PCNX1: variants seen among roughly 807,000 people sequenced by gnomAD.
The protein encoded by PCNX1 is pecanex-like protein 1.
In PCNX1, 78 loss-of-function variants were observed where a neutral mutation model predicts 242.2. The observed-to-expected ratio is 0.32, with a 90% CI of 0.27 to 0.39. The LOEUF (loss-of-function observed/expected upper bound fraction) is 0.39, where lower values mean the gene tolerates loss of function less well. PCNX1 is among the 10% of genes least tolerant of loss of function. PCNX1 has a pLI of 1.00. For missense variants in PCNX1, 2,581 were observed against 2,856.5 expected (o/e 0.90, Z 2.20); for synonymous variants, 1,024 against 1,032.9 (o/e 0.99, Z 0.17).
At chr14:70,968,334 G>T in intron 4 of PCNX1, 91 bp downstream of exon 4, 1 of 713,882 alleles carries the variant, frequency 1.4e-6, no homozygotes. Context: ...CAAATGTAAT[G>T]AAAAAAATCA....
Position 70,907,823 on chromosome 14 carries a change from G to GCGGCGA in PCNX1, c.-22_-17dup, listed in dbSNP as rs2055626212. The GCGGCGA allele has an allele frequency of 8.8e-6, 11 of 1,250,054 alleles. No homozygotes were observed. Among genetic ancestry groups the GCGGCGA allele is most frequent in the South Asian group, 7.0e-5 (2 of 28,524 alleles). The allele number at this position is 1,250,054 out of a possible 1,614,324, so 77.4% of individuals were successfully genotyped here. ...CGGGGCGGGGACGGCGGCGGCGGCG[G>GCGGCGA]CGGCGACGGCGGCGGCGCCGGGTGG... On this transcript the variant is annotated 5_prime_UTR_variant, in exon 1 of 36. Coordinates refer to ENST00000304743, the MANE Select transcript of PCNX1 (RefSeq NM_014982.3).
chr14:71,003,337 C>T (rs1192428234), intron 8 of PCNX1, among the ~76,000 whole-genome samples: 9 of 151,960 alleles, frequency 5.9e-5, no homozygotes, highest in Admixed American at 2.6e-4. Flanking sequence ...GTGATCTGCC[C>T]GCCTCGGCCC....
At chr14:70,917,994 A>G (rs557388654) in intron 1 of PCNX1, among the ~76,000 whole-genome samples, 9 of 152,296 alleles carry the variant, frequency 5.9e-5, no homozygotes, top group African/African-American at 2.2e-4. Flanking sequence ...CTCATGAACC[A>G]ACTTCTGCTA....
chr14:70,953,166 A>G (rs2057855837), intron 2 of PCNX1, among the ~76,000 whole-genome samples: 1 of 152,066 alleles, frequency 6.6e-6, no homozygotes, highest in African/African-American at 2.4e-5. Context: ...GTAGTGCCAG[A>G]TACTTGGGAG....
At position 71,105,098 on chromosome 14, in the gene PCNX1, A is replaced by G; in HGVS notation, c.6096-137A>G. On this transcript the variant is annotated intron_variant, in intron 32 of 35. Transcript: ENST00000304743. ...AAACGTAATGAGTTTTTTTGTTCCT[A>G]ATATTGATTGCACCATAAAGACTTT... 7.6e-6 allele frequency: 5 copies of G among 658,546 alleles called. No homozygotes were observed. In the South Asian group the frequency reaches 7.7e-5, roughly 10 times the overall value. 40.8% of individuals were successfully genotyped at this position (658,546 alleles called of 1,614,324 possible). A position where few individuals can be genotyped will look rare whatever the true frequency, so the allele number is the denominator to read the frequency against.
At chr14:70,964,377 A>C (rs2058315152) in intron 3 of PCNX1, among the ~76,000 whole-genome samples, 1 of 152,062 alleles carries the variant, frequency 6.6e-6, no homozygotes, top group Non-Finnish European at 1.5e-5. Flanking sequence ...TTAGATTGAT[A>C]CTTTTTGTTT....
Position 71,011,529 on chromosome 14 carries a change from C to A in PCNX1, c.2758C>A (p.Arg920=). ...DSHVSSSTSV[R]FYPHDVLSLP... is the part of the protein sequence containing the mutation. The stretch of plus-strand genomic sequence containing the variant: ...TCATGTATCCAGTTCTACCTCAGTT[C>A]GATTTTATCCACATGATGTGGTAGG... Residue 920 remains arginine, a synonymous_variant, in exon 10 of 36, where the codon CGA becomes AGA. Transcript: ENST00000304743. 1.3e-6 allele frequency: 2 copies of A among 1,564,176 alleles called. No homozygotes were observed. The highest frequency in any genetic ancestry group is 8.8e-7 in the Non-Finnish European group (1 of 1,137,166).
At chr14:70,948,851 GTATA>G (rs2057589473) in intron 2 of PCNX1, among the ~76,000 whole-genome samples, 1 of 146,346 alleles carries the variant, frequency 6.8e-6, no homozygotes, top group Non-Finnish European at 1.5e-5. Flanking sequence ...ATGTATGTGT[GTATA>G]TATACACATA....
Position 71,089,268 on chromosome 14 carries a change from T to TG in PCNX1, c.5517dup (p.Ile1840AspfsTer4). ...CCGTATTTCTTCAATTCGAGATGAA[T>TG]GGATCTTTGCTGACATGGAATTGCT... On this transcript the variant is annotated frameshift_variant, in exon 30 of 36. Coordinates refer to ENST00000304743, the MANE Select transcript of PCNX1 (RefSeq NM_014982.3). LOFTEE classifies it high-confidence loss of function. The TG allele has an allele frequency of 6.2e-7, 1 of 1,612,080 alleles. No individual in the cohort carries two copies. The highest frequency in any genetic ancestry group is 8.5e-7 in the Non-Finnish European group (1 of 1,178,264).
intron 2 of PCNX1, among the ~76,000 whole-genome samples, chr14:70,955,269 C>T (rs1034859810): frequency 7.9e-5 from 12 of 152,116 alleles, no homozygotes; most frequent in East Asian, 1.9e-4. Flanking sequence ...TTGTAAACTA[C>T]GGATCAATTT....
chr14:71,010,596 T>C (rs148561016), intron 9 of PCNX1, among the ~76,000 whole-genome samples: 248 of 152,242 alleles, frequency 1.6e-3, no homozygotes, highest in African/African-American at 5.7e-3. Flanking sequence ...ACATCAATTA[T>C]ATTTTTAGAA....
intron 16 of PCNX1, 41 bp downstream of exon 16, chr14:71,028,832 A>C (rs2060305791): frequency 8.4e-7 from 1 of 1,194,866 alleles, no homozygotes; most frequent in Non-Finnish European, 1.2e-6. Flanking sequence ...TTAAGGCTAT[A>C]TTTCTATATG....
intron 26 of PCNX1, among the ~76,000 whole-genome samples, chr14:71,064,279 A>G (rs868341765): frequency 7.9e-5 from 12 of 152,146 alleles, no homozygotes; most frequent in African/African-American, 2.7e-4. Flanking sequence ...TAATATTGCT[A>G]TAATTATTGA....
rs201651116 is a variant in PCNX1, at chr14:70,978,396, C to T, written c.2059C>T (p.Arg687Cys). 3.3e-5 allele frequency: 53 copies of T among 1,614,108 alleles called. 1 individual carries two copies. The South Asian group carries it at 4.1e-4, about 12-fold the overall frequency. The change falls in exon 6 of 36, where the codon CGT (arginine) becomes TGT (cysteine). Residue 687 changes from arginine (R) to cysteine (C), a missense_variant. Coordinates refer to ENST00000304743, the MANE Select transcript of PCNX1 (RefSeq NM_014982.3). ...RTSSTNSAKT[R>C]ARVLSLDSGT... is the part of the protein sequence containing the mutation. The stretch of plus-strand genomic sequence containing the variant: ...TTCTAGCACAAATAGTGCCAAGACT[C>T]GTGCCCGAGTGTTGAGCCTGGACAG...
At chr14:71,096,150 T>G (rs972545591) in intron 30 of PCNX1, among the ~76,000 whole-genome samples, 1 of 152,126 alleles carries the variant, frequency 6.6e-6, no homozygotes, top group Non-Finnish European at 1.5e-5. Flanking sequence ...AAACCTGATC[T>G]CTACTAAAAA....
intron 1 of PCNX1, among the ~76,000 whole-genome samples, chr14:70,931,022 A>G (rs1594926358): frequency 6.6e-6 from 1 of 152,166 alleles, no homozygotes; most frequent in African/African-American, 2.4e-5. Flanking sequence ...AAAAACATTC[A>G]TATTCTTTCT....
chr14:70,989,582 T>C (rs1048045214), intron 7 of PCNX1, among the ~76,000 whole-genome samples: 2 of 140,302 alleles, frequency 1.4e-5, no homozygotes, highest in African/African-American at 2.7e-5. Flanking sequence ...CAGGCAGGAG[T>C]GCAGTCGCGT....
intron 5 of PCNX1, among the ~76,000 whole-genome samples, chr14:70,971,770 G>A (rs1374665473): frequency 6.6e-6 from 1 of 152,182 alleles, no homozygotes; most frequent in Non-Finnish European, 1.5e-5. Flanking sequence ...GATATCTGAG[G>A]GGAGGGGCCC....
At chr14:70,943,595 A>C (rs2140276079) in intron 1 of PCNX1, among the ~76,000 whole-genome samples, 1 of 152,358 alleles carries the variant, frequency 6.6e-6, no homozygotes, top group East Asian at 1.9e-4. Flanking sequence ...CTGATGATGC[A>C]ATAGAAAGCA....
Sources: allele counts gnomAD v4.1 joint callset (sites outside exome capture counted in the v4.1 genomes callset), GRCh38; gene constraint gnomAD v4.1.1; transcripts MANE v1.5; gene names NCBI Gene and HGNC (gene_info 2026-07-23, HGNC 2026-07-21).